Variants in FBXL17 observed in about 807,000 individuals in gnomAD.
FBXL17 encodes the protein F-box and leucine rich repeat protein 17, also known as F-box/LRR-repeat protein 17.
FBXL17 carries 22 observed loss-of-function variants against 66.2 expected under a neutral mutation model. The observed-to-expected ratio is 0.33, with a 90% CI of 0.24 to 0.47. The LOEUF is 0.47. Among genes scored for constraint, FBXL17 ranks in the 20% least tolerant of loss-of-function variants. FBXL17 has a pLI of 1.00. For synonymous variants in FBXL17, 474 were observed against 400.5 expected (o/e 1.18, Z -2.19); for missense variants, 878 against 948.2 (o/e 0.93, Z 0.97).
intron 7 of FBXL17, among the ~76,000 whole-genome samples, chr5:107,965,595 T>G (rs1049950756): frequency 2.0e-5 from 3 of 152,190 alleles, no homozygotes; most frequent in African/African-American, 7.2e-5. Context: ...GCACACAGTT[T>G]CCATGCAAAT....
At chr5:108,054,468 G>T (rs1212613812) in intron 6 of FBXL17, among the ~76,000 whole-genome samples, 2 of 152,084 alleles carry the variant, frequency 1.3e-5, no homozygotes, top group African/African-American at 4.8e-5. Context: ...AGCTCTGCAT[G>T]TGGGGTATGT....
At chr5:107,923,834 G>A (rs1006113499) in intron 7 of FBXL17, among the ~76,000 whole-genome samples, 3 of 152,008 alleles carry the variant, frequency 2.0e-5, no homozygotes, top group South Asian at 2.1e-4. Flanking sequence ...GGCATATTAC[G>A]AACAAGCCAG....
At chr5:108,043,475 T>G (rs969897308) in intron 6 of FBXL17, among the ~76,000 whole-genome samples, 1 of 152,222 alleles carries the variant, frequency 6.6e-6, no homozygotes, top group Non-Finnish European at 1.5e-5. Context: ...CACCATTTAT[T>G]GAAAAGGCCA....
intron 7 of FBXL17, among the ~76,000 whole-genome samples, chr5:108,007,426 G>A (rs949305155): frequency 3.3e-5 from 5 of 152,066 alleles, no homozygotes; most frequent in Admixed American, 6.6e-5. Context: ...GAAGGGATCC[G>A]ATCTTTCCTA....
chr5:108,115,765 G>A (rs548010176), intron 6 of FBXL17, among the ~76,000 whole-genome samples: 1 of 152,294 alleles, frequency 6.6e-6, no homozygotes, highest in Admixed American at 6.5e-5. Context: ...AACTGAGCAA[G>A]ATGAAAAGCA....
intron 6 of FBXL17, among the ~76,000 whole-genome samples, chr5:108,097,299 T>C (rs563072835): frequency 6.6e-6 from 1 of 152,324 alleles, no homozygotes; most frequent in East Asian, 1.9e-4. Flanking sequence ...TAAACCTCCT[T>C]TGTTTATAAA....
Position 108,023,417 on chromosome 5 carries a change from T to C in FBXL17, c.1746-2416A>G, listed in dbSNP as rs79732766. The stretch of plus-strand genomic sequence containing the variant: ...GATAAAGTAGCTGTTGTTTCAAGAA[T>C]TGAAAATGGAAGTGGTTTGTATTAT... On this transcript the variant is annotated intron_variant, in intron 6 of 8. Coordinates refer to ENST00000542267, the MANE Select transcript of FBXL17 (RefSeq NM_001163315.3). Among the ~76,000 whole-genome samples the C allele has an allele frequency of 0.017, 2,610 of 152,254 alleles. 152 individuals are homozygous for C. In the East Asian group the frequency reaches 0.19, roughly 11 times the overall value.
In FBXL17 at chr5:107,996,200, T is replaced by C. The variant is rs150321888; in HGVS notation, c.1822+24725A>G. ...GCCTTGCTGAGTTCTCCTGTCCAAA[T>C]CCTCCCTTCCTTTCTCTACCAGCCT... is the stretch of plus-strand genomic sequence containing the variant. On this transcript the variant is annotated intron_variant, in intron 7 of 8. Transcript: ENST00000542267. Among the ~76,000 whole-genome samples, 719 of 152,316 alleles carry C rather than the reference T, an allele frequency of 4.7e-3. 5 individuals carry two copies. The highest frequency in any genetic ancestry group is 0.017 in the African/African-American group (692 of 41,580).
rs568566965 is a variant in FBXL17, at chr5:108,315,721, A to C, written c.1506+32678T>G. ...CTCATAAAAACACAAAGAATTCCCA[A>C]ACAAAACAACTGAAATTAGGCTTGC... is the stretch of plus-strand genomic sequence containing the variant. On this transcript the variant is annotated intron_variant, in intron 4 of 8. Coordinates refer to ENST00000542267, the MANE Select transcript of FBXL17 (RefSeq NM_001163315.3). Among the ~76,000 whole-genome samples, 166 of 151,606 alleles carry C rather than the reference A, an allele frequency of 1.1e-3. 3 individuals are homozygous for C. Among genetic ancestry groups the C allele is most frequent in the African/African-American group, 3.8e-3 (157 of 41,524 alleles).
intron 3 of FBXL17, among the ~76,000 whole-genome samples, chr5:108,351,099 T>C (rs1747621489): frequency 6.6e-6 from 1 of 152,184 alleles, no homozygotes. Flanking sequence ...TGGTCTTCAT[T>C]AGTGTTAAGA....
chr5:108,141,038 T>C (rs1413194593), intron 6 of FBXL17, among the ~76,000 whole-genome samples: 1 of 152,178 alleles, frequency 6.6e-6, no homozygotes, highest in Non-Finnish European at 1.5e-5. Flanking sequence ...GGAAATGTGA[T>C]GATATCATTC....
chr5:107,984,177 G>T (rs1043791457), intron 7 of FBXL17, among the ~76,000 whole-genome samples: 3 of 152,070 alleles, frequency 2.0e-5, no homozygotes, highest in Admixed American at 6.5e-5. Flanking sequence ...GCATCAAATT[G>T]GACAAGTTAT....
intron 4 of FBXL17, among the ~76,000 whole-genome samples, chr5:108,343,781 ACT>A (rs1313070544): frequency 6.6e-6 from 1 of 152,220 alleles, no homozygotes; most frequent in Non-Finnish European, 1.5e-5. Flanking sequence ...AAAAAATTAA[ACT>A]GTCAGTGGCT....
At chr5:108,279,020 C>T (rs1757597512) in intron 4 of FBXL17, among the ~76,000 whole-genome samples, 1 of 152,178 alleles carries the variant, frequency 6.6e-6, no homozygotes, top group Non-Finnish European at 1.5e-5. Context: ...CTGCTTCTGG[C>T]TCTTACCTGT....
intron 6 of FBXL17, among the ~76,000 whole-genome samples, chr5:108,063,366 C>G (rs1214413405): frequency 6.6e-6 from 1 of 152,212 alleles, no homozygotes; most frequent in East Asian, 1.9e-4. Flanking sequence ...ACCTTGTCAA[C>G]TATCCAAGGA....
chr5:107,921,746 G>A (rs1750328196), intron 7 of FBXL17, among the ~76,000 whole-genome samples: 1 of 152,192 alleles, frequency 6.6e-6, no homozygotes, highest in South Asian at 2.1e-4. Context: ...TCTGAGCACT[G>A]CTGGCTGCTC....
chr5:107,944,499 A>G (rs901842165), intron 7 of FBXL17, among the ~76,000 whole-genome samples: 1 of 152,118 alleles, frequency 6.6e-6, no homozygotes, highest in African/African-American at 2.4e-5. Flanking sequence ...GTTCTAAAGG[A>G]GTTTGAATCT....
chr5:108,323,940 A>C (rs1759736806), intron 4 of FBXL17, among the ~76,000 whole-genome samples: 1 of 152,066 alleles, frequency 6.6e-6, no homozygotes, highest in Non-Finnish European at 1.5e-5. Context: ...TTACCTAAAA[A>C]TGAACGGAAG....
intron 6 of FBXL17, among the ~76,000 whole-genome samples, chr5:108,134,967 T>C (rs1751078674): frequency 6.6e-6 from 1 of 152,172 alleles, no homozygotes; most frequent in African/African-American, 2.4e-5. Flanking sequence ...CTAAATATAT[T>C]TTTGTCATTA....
Sources: allele counts gnomAD v4.1 joint callset (sites outside exome capture counted in the v4.1 genomes callset), GRCh38; gene constraint gnomAD v4.1.1; transcripts MANE v1.5; gene names NCBI Gene and HGNC (gene_info 2026-07-23, HGNC 2026-07-21).